The following DNAAF9 variants were observed in gnomAD, a reference collection of about 807,000 sequenced individuals.
DNAAF9 encodes the protein dynein axonemal assembly factor 9, also known as shulin.
In DNAAF9, 90 loss-of-function variants were observed where a neutral mutation model predicts 167.0. The ratio of observed to expected loss-of-function variants is 0.54; its 90% CI spans 0.45 to 0.64. The LOEUF (loss-of-function observed/expected upper bound fraction) is 0.64. Among genes scored for constraint, DNAAF9 ranks in the 30% least tolerant of loss-of-function variants. DNAAF9 has a pLI of 0.00. For synonymous variants in DNAAF9, 491 were observed against 508.8 expected, an observed-to-expected ratio of 0.96 and a Z score of 0.47; for missense variants, 1,315 against 1,442.2, an observed-to-expected ratio of 0.91 and a Z score of 1.43.
At chr20:3,263,918 C>T (rs6084320) in intron 31 of DNAAF9, among the ~76,000 whole-genome samples, 77,445 of 152,038 alleles carry the variant, frequency 0.51, 19,878 homozygotes, top group East Asian at 0.56. Context: ...AATGTTCCAG[C>T]GTGTTGGTAT....
chr20:3,321,179 T>C (rs1050418423), intron 16 of DNAAF9, among the ~76,000 whole-genome samples: 1 of 152,174 alleles, frequency 6.6e-6, no homozygotes, highest in Non-Finnish European at 1.5e-5. Context: ...TCCCTGTTGA[T>C]TATTGGCCAT....
At chr20:3,262,965 CTTTTTTTTTTTTTTT>C (rs796491974) in intron 31 of DNAAF9, among the ~76,000 whole-genome samples, 3 of 81,324 alleles carry the variant, frequency 3.7e-5, no homozygotes, top group East Asian at 4.0e-4. Context: ...CATAGCAGAT[CTTTTTTTTTTTTTTT>C]TTTTTTTTTT....
chr20:3,290,114 A>T lies in DNAAF9; in HGVS notation c.2327+15T>A. ...GAATCCCTTTCCCCAAAGCAAAGGC[A>T]TCAGCCATACTAACCTGCCACATTC... On this transcript the variant is annotated intron_variant, in intron 26 of 36. Coordinates refer to ENST00000252032, the MANE Select transcript of DNAAF9 (RefSeq NM_001009984.3). The T allele has an allele frequency of 1.3e-6, 2 of 1,552,974 alleles. No individual in the cohort carries two copies. Among genetic ancestry groups the T allele is most frequent in the South Asian group, 2.2e-5 (2 of 89,914 alleles).
At chr20:3,331,743 G>A (rs2069833379) in intron 11 of DNAAF9, among the ~76,000 whole-genome samples, 1 of 152,104 alleles carries the variant, frequency 6.6e-6, no homozygotes, top group Non-Finnish European at 1.5e-5. Flanking sequence ...GCTCAATCTT[G>A]GCTCACTGCA....
At chr20:3,322,322 C>T (rs1024064112) in intron 15 of DNAAF9, 60 bp from the exon 16 acceptor site, 21 of 1,335,284 alleles carry the variant, frequency 1.6e-5, no homozygotes, top group South Asian at 6.0e-5. Flanking sequence ...CTTAAATTTA[C>T]AGTGTTTGCT....
chr20:3,392,311 C>A (rs879122890), intron 1 of DNAAF9, among the ~76,000 whole-genome samples: 1 of 152,090 alleles, frequency 6.6e-6, no homozygotes, highest in Non-Finnish European at 1.5e-5. Flanking sequence ...CTCAGCAGAC[C>A]CAATAATGCA....
intron 2 of DNAAF9, among the ~76,000 whole-genome samples, chr20:3,381,700 T>C (rs945140088): frequency 6.6e-6 from 1 of 152,202 alleles, no homozygotes; most frequent in African/African-American, 2.4e-5. Context: ...TTCCAACGTC[T>C]TGTAATTGAG....
Position 3,315,662 on chromosome 20 carries a change from T to G in DNAAF9, c.1590+73A>C, listed in dbSNP as rs2069488624. The G allele has an allele frequency of 4.2e-6, 5 of 1,203,408 alleles. No homozygotes were observed. The Admixed American group carries it at 5.1e-5, about 12-fold the overall frequency. 74.5% of individuals were successfully genotyped at this position (1,203,408 alleles called of 1,614,324 possible). On this transcript the variant is annotated intron_variant, in intron 19 of 36. Coordinates refer to ENST00000252032, the MANE Select transcript of DNAAF9 (RefSeq NM_001009984.3). The surrounding 1 kb of genome is among the most constrained non-coding windows in gnomAD (Gnocchi z 4.1). ...TTAGATTAGTAGTGAGATGAAGCAT[T>G]TTAATACCTTTATGAATTGCTTACA...
intron 1 of DNAAF9, among the ~76,000 whole-genome samples, chr20:3,405,031 A>G (rs1013782876): frequency 2.0e-5 from 3 of 152,218 alleles, no homozygotes; most frequent in African/African-American, 7.2e-5. Flanking sequence ...GGAAAACTAC[A>G]CAACAGAAAT....
intron 1 of DNAAF9, among the ~76,000 whole-genome samples, chr20:3,392,481 A>G (rs2083840396): frequency 6.6e-6 from 1 of 152,264 alleles, no homozygotes; most frequent in South Asian, 2.1e-4. Context: ...AGCTAAGTAA[A>G]GATTAACATC....
intron 30 of DNAAF9, among the ~76,000 whole-genome samples, chr20:3,267,314 C>T (rs975687052): frequency 2.0e-5 from 3 of 152,176 alleles, no homozygotes; most frequent in Non-Finnish European, 4.4e-5. Flanking sequence ...CACATCTCCA[C>T]TAATCTTTGA....
At chr20:3,375,688 C>T (rs542783132) in intron 4 of DNAAF9, among the ~76,000 whole-genome samples, 5 of 152,142 alleles carry the variant, frequency 3.3e-5, no homozygotes, top group East Asian at 3.9e-4. Context: ...AACAAAACTC[C>T]GTCTCTACTA....
Position 3,332,267 on chromosome 20 carries a change from T to C in DNAAF9, c.1063+13A>G. 7 of 1,372,872 alleles carry C rather than the reference T, an allele frequency of 5.1e-6. No individual in the cohort carries two copies. The highest frequency in any genetic ancestry group is 7.3e-6 in the Non-Finnish European group (7 of 961,196). The allele number at this position is 1,372,872 out of a possible 1,614,324, so 85.0% of individuals were successfully genotyped here. A position where few individuals can be genotyped will look rare whatever the true frequency, so the allele number is the denominator to read the frequency against. On this transcript the variant is annotated intron_variant, in intron 11 of 36. Coordinates refer to ENST00000252032, the MANE Select transcript of DNAAF9 (RefSeq NM_001009984.3). ...TAGATAAGCTGATGAGATGACAACT[T>C]ATAGGGACTTACCCAAGTAAGGAAC...
chr20:3,259,837 T>C (rs1404608334), intron 32 of DNAAF9, 85 bp downstream of exon 32: 10 of 810,582 alleles, frequency 1.2e-5, no homozygotes, highest in South Asian at 3.0e-5. Context: ...ATACAGCACA[T>C]AGAATACTGA....
intron 6 of DNAAF9, among the ~76,000 whole-genome samples, chr20:3,371,445 G>A (rs539423661): frequency 1.4e-5 from 2 of 139,140 alleles, no homozygotes; most frequent in African/African-American, 5.3e-5. Context: ...CCGGGTTCCC[G>A]CCATTCTCCT....
At chr20:3,298,261 A>C in intron 21 of DNAAF9, 86 bp from the exon 22 acceptor site, 1 of 1,053,590 alleles carries the variant, frequency 9.5e-7, no homozygotes. Flanking sequence ...CACAGGATCA[A>C]TTTCAGTACA....
chr20:3,377,131 C>T (rs1188277727), intron 3 of DNAAF9, among the ~76,000 whole-genome samples: 3 of 152,096 alleles, frequency 2.0e-5, no homozygotes, highest in Admixed American at 6.5e-5. Flanking sequence ...CTAAGATAAG[C>T]GGTTGTGGAG....
intron 31 of DNAAF9, among the ~76,000 whole-genome samples, chr20:3,262,086 A>T (rs2068400189): frequency 1.3e-5 from 2 of 152,122 alleles, no homozygotes; most frequent in African/African-American, 4.8e-5. Flanking sequence ...GGAGTAATAT[A>T]TAGAGATGAG....
chr20:3,325,289 G>A (rs1200238239), intron 13 of DNAAF9, among the ~76,000 whole-genome samples: 1 of 152,212 alleles, frequency 6.6e-6, no homozygotes, highest in Admixed American at 6.5e-5. Context: ...CTGTAAAAGT[G>A]CTTTCTCCTC....
Sources: allele counts gnomAD v4.1 joint callset (sites outside exome capture counted in the v4.1 genomes callset), GRCh38; gene constraint gnomAD v4.1.1; non-coding constraint Gnocchi (gnomAD v3.1); transcripts MANE v1.5; gene names NCBI Gene and HGNC (gene_info 2026-07-23, HGNC 2026-07-21).